Variants in CALN1 observed in about 807,000 individuals in gnomAD.
CALN1 encodes calcium-binding protein 8.
A neutral mutation model predicts 30.6 loss-of-function variants in CALN1; 17 were observed. That is an observed-to-expected ratio of 0.56 (90% CI 0.38 to 0.83). The LOEUF is 0.83. Among genes scored for constraint, CALN1 ranks in the 40% least tolerant of loss-of-function variants. The probability of loss-of-function intolerance (pLI) is 0.00; values close to 1 mark genes in which losing one functional copy is unlikely to be tolerated. For missense variants in CALN1, 291 were observed against 354.9 expected (o/e 0.82, Z 1.45); for synonymous variants, 156 against 131.4 (o/e 1.19, Z -1.28).
At chr7:72,360,821 C>A (rs1388956250) in intron 2 of CALN1, among the ~76,000 whole-genome samples, 3 of 151,654 alleles carry the variant, frequency 2.0e-5, no homozygotes, top group Admixed American at 2.0e-4. Flanking sequence ...CTCCGCCTCC[C>A]GGATTCAAGC....
At chr7:72,392,790 C>T (rs1562943032) in intron 2 of CALN1, among the ~76,000 whole-genome samples, 1 of 151,338 alleles carries the variant, frequency 6.6e-6, no homozygotes, top group Admixed American at 6.6e-5. Flanking sequence ...CCAGCCTGGG[C>T]AACATAGCAA....
At chr7:72,004,051 A>T (rs1291274554) in intron 5 of CALN1, among the ~76,000 whole-genome samples, 1 of 152,218 alleles carries the variant, frequency 6.6e-6, no homozygotes, top group Non-Finnish European at 1.5e-5. Context: ...TTTACATGGA[A>T]ATACACAGAT....
At chr7:72,277,858 G>T (rs1797440521) in intron 3 of CALN1, among the ~76,000 whole-genome samples, 2 of 152,104 alleles carry the variant, frequency 1.3e-5, no homozygotes, top group Admixed American at 1.3e-4. Context: ...CTCTACTTGA[G>T]AAAGTAAATT....
chr7:71,876,699 C>T (rs570819861), intron 5 of CALN1, among the ~76,000 whole-genome samples: 13 of 147,550 alleles, frequency 8.8e-5, no homozygotes, highest in African/African-American at 2.1e-4. Context: ...AATGAATCTA[C>T]ATAATGTGTT....
chr7:72,370,011 A>AAT (rs148435465), intron 2 of CALN1, among the ~76,000 whole-genome samples: 1,947 of 152,282 alleles, frequency 0.013, 59 homozygotes, highest in African/African-American at 0.044. Flanking sequence ...TCATACAAAA[A>AAT]ATGTATGTGT....
intron 3 of CALN1, among the ~76,000 whole-genome samples, chr7:72,251,775 T>C (rs1795578684): frequency 6.6e-6 from 1 of 152,162 alleles, no homozygotes; most frequent in African/African-American, 2.4e-5. Flanking sequence ...AAAGGTTCTA[T>C]ATATTAACTG....
intron 6 of CALN1, among the ~76,000 whole-genome samples, chr7:71,809,817 G>C (rs1472984228): frequency 6.6e-6 from 1 of 151,628 alleles, no homozygotes; most frequent in East Asian, 1.9e-4. Context: ...AGAGGACTCT[G>C]TCCCTTTTTT....
chr7:72,244,636 G>A (rs549400420), intron 3 of CALN1, among the ~76,000 whole-genome samples: 1 of 151,350 alleles, frequency 6.6e-6, no homozygotes, highest in East Asian at 2.0e-4. Flanking sequence ...GATTTTAGAA[G>A]GTTCCATAAA....
rs558231862 is a variant in CALN1 at position 71,786,932 on chromosome 7, A to C, written c.*843T>G. The C allele has an allele frequency of 6.5e-6, 1 of 152,778 alleles. No homozygotes were observed. Among genetic ancestry groups the C allele is most frequent in the Admixed American group, 6.5e-5 (1 of 15,302 alleles). 9.5% of individuals were successfully genotyped at this position (152,778 alleles called of 1,614,324 possible). A position where few individuals can be genotyped will look rare whatever the true frequency, so the allele number is the denominator to read the frequency against. On this transcript the variant is annotated 3_prime_UTR_variant, in exon 7 of 7. Coordinates refer to ENST00000395275, the MANE Select transcript of CALN1 (RefSeq NM_031468.4). ...TATTAGGTGTAAGCGATTAGGGAAG[A>C]ATGACATCACACACGAAGAAGCCAA... is the stretch of plus-strand genomic sequence containing the variant.
chr7:71,798,332 T>C (rs995979125), intron 6 of CALN1, among the ~76,000 whole-genome samples: 6 of 149,218 alleles, frequency 4.0e-5, no homozygotes, highest in African/African-American at 1.5e-4. Flanking sequence ...TATTTATTTA[T>C]AGAAACTGGG....
intron 2 of CALN1, among the ~76,000 whole-genome samples, chr7:72,293,259 G>A (rs749615649): frequency 2.0e-5 from 3 of 152,158 alleles, no homozygotes; most frequent in Non-Finnish European, 4.4e-5. Flanking sequence ...CTGGAAGGAC[G>A]TAGGGAGAGG....
intron 1 of CALN1, among the ~76,000 whole-genome samples, chr7:72,410,143 G>A (rs1807020356): frequency 6.6e-6 from 1 of 152,198 alleles, no homozygotes; most frequent in Non-Finnish European, 1.5e-5. Context: ...AGGGCAGAGT[G>A]TGAGCTCCAG....
intron 5 of CALN1, among the ~76,000 whole-genome samples, chr7:71,972,847 C>A (rs1034765707): frequency 6.6e-6 from 1 of 152,184 alleles, no homozygotes; most frequent in Non-Finnish European, 1.5e-5. Context: ...ACCTGCAAGG[C>A]GTGTGGGCAG....
intron 6 of CALN1, among the ~76,000 whole-genome samples, chr7:71,802,072 C>T (rs1272610043): frequency 1.3e-5 from 2 of 152,102 alleles, no homozygotes; most frequent in African/African-American, 2.4e-5. Context: ...GGCAGGCATG[C>T]GTGACAGTTC....
the CALN1 span, among the ~76,000 whole-genome samples, chr7:72,463,215 G>A: frequency 5.3e-5 from 8 of 152,068 alleles, no homozygotes; most frequent in South Asian, 2.1e-4. Flanking sequence ...TCCGCCTCCC[G>A]GGTTCAAGTG....
intron 4 of CALN1, among the ~76,000 whole-genome samples, chr7:72,030,649 C>T (rs1355269392): frequency 1.3e-5 from 2 of 152,172 alleles, no homozygotes; most frequent in East Asian, 3.9e-4. Context: ...AGCTGCCAGG[C>T]TGAAGCAAGG....
chr7:72,264,042 C>G (rs1404695941), intron 3 of CALN1, among the ~76,000 whole-genome samples: 1 of 152,144 alleles, frequency 6.6e-6, no homozygotes, highest in Non-Finnish European at 1.5e-5. Context: ...CCCAATAAAC[C>G]AAACCAAAAT....
chr7:72,128,019 A>G (rs1044515614), intron 3 of CALN1, among the ~76,000 whole-genome samples: 6 of 152,186 alleles, frequency 3.9e-5, no homozygotes, highest in African/African-American at 1.4e-4. Flanking sequence ...ACAATCAGCA[A>G]AATGTTGAAA....
At chr7:71,850,106 G>C (rs550572700) in intron 5 of CALN1, among the ~76,000 whole-genome samples, 3 of 152,154 alleles carry the variant, frequency 2.0e-5, no homozygotes, top group Non-Finnish European at 4.4e-5. Context: ...AAAGGAAAAA[G>C]TACTGGAATC....
Sources: allele counts gnomAD v4.1 joint callset (sites outside exome capture counted in the v4.1 genomes callset), GRCh38; gene constraint gnomAD v4.1.1; transcripts MANE v1.5; gene names NCBI Gene and HGNC (gene_info 2026-07-23, HGNC 2026-07-21).